The following SHISAL1 variants were observed in gnomAD, a reference collection of about 807,000 sequenced individuals.
The protein encoded by SHISAL1 is protein shisa-like-1.
In SHISAL1, 9 loss-of-function variants were observed where a neutral mutation model predicts 22.6. That is an observed-to-expected ratio of 0.40 (90% CI 0.24 to 0.70). The LOEUF (loss-of-function observed/expected upper bound fraction) is 0.70, where lower values mean the gene tolerates loss of function less well. Ranked by LOEUF, SHISAL1 falls within the 30% of genes least tolerant of loss-of-function variation. The pLI, the probability that SHISAL1 is intolerant of heterozygous loss-of-function variation, is 0.39. For synonymous variants in SHISAL1, 119 were observed against 115.4 expected, an observed-to-expected ratio of 1.03 and a Z score of -0.20; for missense variants, 246 against 270.6, an observed-to-expected ratio of 0.91 and a Z score of 0.64.
intron 3 of SHISAL1, among the ~76,000 whole-genome samples, chr22:44,293,368 C>T (rs554224532): frequency 6.6e-6 from 1 of 152,230 alleles, no homozygotes; most frequent in Non-Finnish European, 1.5e-5. Context: ...TGATTCTGTG[C>T]CCCCGCATTT....
the SHISAL1 span, among the ~76,000 whole-genome samples, chr22:44,324,647 T>C: frequency 3.8e-3 from 572 of 152,356 alleles, 3 homozygotes; most frequent in African/African-American, 0.013. Context: ...CCAGGGGTTA[T>C]ATAACTTGCC....
At chr22:44,263,985 T>G (rs2055144573) in intron 4 of SHISAL1, among the ~76,000 whole-genome samples, 2 of 152,114 alleles carry the variant, frequency 1.3e-5, no homozygotes, top group African/African-American at 4.8e-5. Flanking sequence ...GAGACGTGGA[T>G]GTGAAGGTTC....
At chr22:44,315,652 T>C (rs2147315941), upstream of SHISAL1, among the ~76,000 whole-genome samples, 1 of 152,326 alleles carries the variant, frequency 6.6e-6, no homozygotes, top group South Asian at 2.1e-4. Flanking sequence ...CCATGTCACC[T>C]GGGCCACAGA....
chr22:44,326,201 C>T, the SHISAL1 span, among the ~76,000 whole-genome samples: 1 of 152,142 alleles, frequency 6.6e-6, no homozygotes, highest in African/African-American at 2.4e-5. Flanking sequence ...TGACAAGCTC[C>T]GGGAGCCTCA....
chr22:44,302,994 G>T (rs1472557543), intron 1 of SHISAL1, among the ~76,000 whole-genome samples: 1 of 152,046 alleles, frequency 6.6e-6, no homozygotes, highest in Non-Finnish European at 1.5e-5. Flanking sequence ...AGGGCTTTGG[G>T]CCCTGAGGGG....
the SHISAL1 span, among the ~76,000 whole-genome samples, chr22:44,319,349 T>C: frequency 6.6e-6 from 1 of 152,260 alleles, no homozygotes; most frequent in Non-Finnish European, 1.5e-5. Context: ...TTCTGGGACT[T>C]GGACCCGAGC....
chr22:44,322,666 A>G, the SHISAL1 span, among the ~76,000 whole-genome samples: 1 of 152,158 alleles, frequency 6.6e-6, no homozygotes, highest in East Asian at 1.9e-4. Flanking sequence ...CTGAGGAGTC[A>G]CAGCCTGAAC....
intron 2 of SHISAL1, among the ~76,000 whole-genome samples, chr22:44,299,520 C>T (rs1017162100): frequency 6.6e-6 from 1 of 152,192 alleles, no homozygotes; most frequent in Non-Finnish European, 1.5e-5. Context: ...AGCTGGGTAG[C>T]CCCCAGACCC....
intron 4 of SHISAL1, among the ~76,000 whole-genome samples, chr22:44,266,467 T>G (rs1373175699): frequency 4.8e-5 from 6 of 123,994 alleles, no homozygotes; most frequent in African/African-American, 2.1e-4. Context: ...TGTGTGTGTG[T>G]TGGGCTGTGT....
intron 1 of SHISAL1, among the ~76,000 whole-genome samples, chr22:44,312,232 C>T (rs2055524316): frequency 6.6e-6 from 1 of 152,220 alleles, no homozygotes; most frequent in African/African-American, 2.4e-5. Flanking sequence ...CATCTATTCA[C>T]TTATTTCGTA....
intron 4 of SHISAL1, among the ~76,000 whole-genome samples, chr22:44,271,341 C>G (rs2055204504): frequency 6.6e-6 from 1 of 152,186 alleles, no homozygotes; most frequent in South Asian, 2.1e-4. Context: ...GTGACAGGCT[C>G]AGTCCCAGAG....
chr22:44,301,522 A>T (rs2055429394), intron 1 of SHISAL1, among the ~76,000 whole-genome samples: 1 of 152,206 alleles, frequency 6.6e-6, no homozygotes. Flanking sequence ...ACGCAAACAA[A>T]TGAATGTTTA....
At chr22:44,266,509 G>T (rs1277494734) in intron 4 of SHISAL1, among the ~76,000 whole-genome samples, 1 of 118,634 alleles carries the variant, frequency 8.4e-6, no homozygotes, top group African/African-American at 3.4e-5. Flanking sequence ...GTGTATGTGT[G>T]TGTTGGGGGC....
At chr22:44,253,030 T>G (rs2055059634) in intron 4 of SHISAL1, among the ~76,000 whole-genome samples, 1 of 151,848 alleles carries the variant, frequency 6.6e-6, no homozygotes, top group South Asian at 2.1e-4. Context: ...AAAGGGCAGA[T>G]GATTTTTACA....
At chr22:44,256,083 C>T (rs1238187317) in intron 4 of SHISAL1, among the ~76,000 whole-genome samples, 1 of 152,200 alleles carries the variant, frequency 6.6e-6, no homozygotes, top group Admixed American at 6.5e-5. Flanking sequence ...TGTTCTTCTC[C>T]TGCCTTTAGA....
chr22:44,286,982 C>T (rs1050116564), intron 3 of SHISAL1, among the ~76,000 whole-genome samples: 2 of 152,250 alleles, frequency 1.3e-5, no homozygotes, highest in African/African-American at 4.8e-5. Flanking sequence ...TACACGCCAC[C>T]GCTGCACATC....
chr22:44,305,256 G>C (rs534583671), intron 1 of SHISAL1, among the ~76,000 whole-genome samples: 2 of 152,124 alleles, frequency 1.3e-5, no homozygotes, highest in Non-Finnish European at 2.9e-5. Flanking sequence ...ACCTGCACTC[G>C]GGGCCAGGCC....
Position 44,265,315 on chromosome 22 carries a change from C to T in SHISAL1, c.*-15630G>A, listed in dbSNP as rs920178974. ...ACTGTGGGTTCCACCGGGCTCTGCACCTTGAACTCTCTCTCCCAGAGCCCT... is the reference window on the plus strand; with the variant it reads ...ACTGTGGGTTCCACCGGGCTCTGCATCTTGAACTCTCTCTCCCAGAGCCCT... On this transcript the variant is annotated intron_variant, in intron 4 of 4. Coordinates refer to ENST00000381176, the MANE Select transcript of SHISAL1 (RefSeq NM_001099294.2). Among the ~76,000 whole-genome samples the T allele has an allele frequency of 8.5e-5, 13 of 152,182 alleles. No homozygotes were observed. In the East Asian group the frequency reaches 1.7e-3, roughly 20 times the overall value.
the SHISAL1 span, among the ~76,000 whole-genome samples, chr22:44,320,139 G>T: frequency 6.6e-6 from 1 of 152,276 alleles, no homozygotes; most frequent in South Asian, 2.1e-4. Flanking sequence ...AACCCTGGGG[G>T]TATAGGAGTG....
Sources: allele counts gnomAD v4.1 joint callset (sites outside exome capture counted in the v4.1 genomes callset), GRCh38; gene constraint gnomAD v4.1.1; transcripts MANE v1.5; gene names NCBI Gene and HGNC (gene_info 2026-07-23, HGNC 2026-07-21).